TNPO3: variants seen among roughly 807,000 people sequenced by gnomAD.
The protein encoded by TNPO3 is transportin 3.
In TNPO3, 65 loss-of-function variants were observed where a neutral mutation model predicts 122.8. The observed-to-expected ratio is 0.53, with a 90% CI of 0.43 to 0.65. The LOEUF is 0.65. TNPO3 is among the 30% of genes least tolerant of loss of function. The probability of loss-of-function intolerance (pLI) is 0.00; values close to 1 mark genes in which losing one functional copy is unlikely to be tolerated. For synonymous variants in TNPO3, 372 were observed against 411.2 expected, an observed-to-expected ratio of 0.90 and a Z score of 1.15; for missense variants, 850 against 1,136.7, an observed-to-expected ratio of 0.75 and a Z score of 3.63.
intron 21 of TNPO3, among the ~76,000 whole-genome samples, chr7:128,963,630 T>C (rs1797670787): frequency 6.6e-6 from 1 of 152,260 alleles, no homozygotes; most frequent in Admixed American, 6.5e-5. Context: ...GAGTTATTTC[T>C]GGGGCATACT....
At chr7:129,038,044 A>G (rs2150524861) in intron 1 of TNPO3, among the ~76,000 whole-genome samples, 1 of 152,302 alleles carries the variant, frequency 6.6e-6, no homozygotes, top group Admixed American at 6.5e-5. Context: ...CCCCCAAATA[A>G]GCAAACAAAT....
intron 20 of TNPO3, among the ~76,000 whole-genome samples, chr7:128,968,896 T>A (rs1798181965): frequency 6.6e-6 from 1 of 151,808 alleles, no homozygotes; most frequent in South Asian, 2.1e-4. Context: ...AAAAAAAATT[T>A]TTTTTTTTTT....
intron 4 of TNPO3, among the ~76,000 whole-genome samples, chr7:129,010,120 G>A (rs1335470483): frequency 6.6e-6 from 1 of 152,096 alleles, no homozygotes; most frequent in Non-Finnish European, 1.5e-5. Context: ...CAACTTATAT[G>A]TACAAGAAAT....
chr7:129,033,632 A>T (rs564213946), intron 1 of TNPO3, among the ~76,000 whole-genome samples: 9 of 152,268 alleles, frequency 5.9e-5, no homozygotes, highest in African/African-American at 2.2e-4. Flanking sequence ...ATAAAATCTC[A>T]AACAGGGCCG....
intron 1 of TNPO3, among the ~76,000 whole-genome samples, chr7:129,021,930 T>C (rs904935205): frequency 3.3e-5 from 5 of 151,724 alleles, no homozygotes; most frequent in Non-Finnish European, 7.4e-5. Flanking sequence ...GAGAAACACA[T>C]GAAAAGGAGT....
In TNPO3 at chr7:129,027,583, AAAAAAAAAC is replaced by A. The variant is rs1584582250; in HGVS notation, c.121-9435_121-9427del. 4.3e-5 allele frequency among the ~76,000 whole-genome samples: 6 copies of A among 138,684 alleles called. No individual in the cohort carries two copies. In the East Asian group the frequency reaches 6.1e-4, roughly 14 times the overall value. 91.0% of individuals were successfully genotyped at this position (138,684 alleles called of 152,430 possible). A position where few individuals can be genotyped will look rare whatever the true frequency, so the allele number is the denominator to read the frequency against. On this transcript the variant is annotated intron_variant, in intron 1 of 22. Transcript: ENST00000265388. ...CAAAAAAAAAAAAAAAAAAAAAAAA[AAAAAAAAAC>A]AACACAAAAAATTCACTAAATACTC...
At chr7:128,996,250 G>A (rs1191505532) in intron 8 of TNPO3, among the ~76,000 whole-genome samples, 2 of 152,146 alleles carry the variant, frequency 1.3e-5, no homozygotes, top group Admixed American at 1.3e-4. Flanking sequence ...TAAGCATGAT[G>A]TTTGAAGAGT....
intron 2 of TNPO3, among the ~76,000 whole-genome samples, chr7:129,017,614 C>T (rs1803992192): frequency 6.6e-6 from 1 of 152,212 alleles, no homozygotes; most frequent in Non-Finnish European, 1.5e-5. Context: ...GGGGAAAGGA[C>T]AGATGCTCTA....
intron 5 of TNPO3, 121 bp downstream of exon 5, chr7:129,004,895 G>T: frequency 1.1e-6 from 1 of 871,620 alleles, no homozygotes; most frequent in Non-Finnish European, 1.7e-6. Flanking sequence ...GAACATTGCT[G>T]CATTCTTAAT....
chr7:128,970,520 TGAA>T (rs911207846), intron 19 of TNPO3, among the ~76,000 whole-genome samples: 1 of 151,904 alleles, frequency 6.6e-6, no homozygotes, highest in African/African-American at 2.4e-5. Context: ...AGAAAGAAAA[TGAA>T]GGAGTTTATT....
intron 18 of TNPO3, among the ~76,000 whole-genome samples, chr7:128,973,777 A>C (rs1433235011): frequency 1.5e-5 from 2 of 136,528 alleles, no homozygotes; most frequent in Admixed American, 7.7e-5. Context: ...ACAGAGGGTG[A>C]CAGCCCATCC....
intron 21 of TNPO3, among the ~76,000 whole-genome samples, chr7:128,964,570 C>T (rs576224130): frequency 2.1e-4 from 32 of 152,132 alleles, no homozygotes; most frequent in Admixed American, 5.9e-4. Flanking sequence ...CTCCTGACCT[C>T]GTGATCTGCC....
chr7:128,989,967 AC>A lies in TNPO3; in HGVS notation c.1491del (p.Gln497HisfsTer10). 1 of 1,614,062 alleles carries A rather than the reference AC, an allele frequency of 6.2e-7. No individual in the cohort carries two copies. Among genetic ancestry groups the A allele is most frequent in the East Asian group, 2.2e-5 (1 of 44,884 alleles). ...EMSEVVDRNPQFLDPVLGYLM... is the reference protein window; with the variant it reads ...EMSEVVDRNPXFLDPVLGYLM... ...GGAGAGAGATTACACATACCAAGGA[AC>A]TGAGGATTTCGATCAACGACTTCAC... is the stretch of plus-strand genomic sequence containing the variant. On this transcript the variant is annotated frameshift_variant, in exon 11 of 23. Transcript: ENST00000265388. LOFTEE classifies it high-confidence loss of function.
chr7:128,957,553 C>A lies in TNPO3; in HGVS notation c.2712-238G>T, dbSNP rs950210280. 2.0e-5 allele frequency among the ~76,000 whole-genome samples: 3 copies of A among 152,130 alleles called. No individual in the cohort carries two copies. The East Asian group carries it at 5.8e-4, about 29-fold the overall frequency. ...GGGTGTACTCTGGACACAAACTGCC[C>A]GAGTTTGAATCTTGGCTCCACTGTG... On this transcript the variant is annotated intron_variant, in intron 21 of 22. Coordinates refer to ENST00000265388, the MANE Select transcript of TNPO3 (RefSeq NM_012470.4).
chr7:128,993,356 CACCTCTGGGACG>C (rs1381501503), intron 9 of TNPO3, among the ~76,000 whole-genome samples: 3 of 152,178 alleles, frequency 2.0e-5, no homozygotes, highest in Non-Finnish European at 2.9e-5. Context: ...CTAGCATAGT[CACCTCTGGGACG>C]AAACTGCACA....
intron 7 of TNPO3, among the ~76,000 whole-genome samples, chr7:128,999,032 T>C (rs919541072): frequency 6.6e-6 from 1 of 152,058 alleles, no homozygotes; most frequent in African/African-American, 2.4e-5. Context: ...TTTGTATTTT[T>C]AGTAAAGATG....
intron 1 of TNPO3, among the ~76,000 whole-genome samples, chr7:129,027,579 A>AAAC (rs1805369993): frequency 1.4e-5 from 2 of 138,202 alleles, no homozygotes; most frequent in South Asian, 2.5e-4. Context: ...AAAAAAAAAA[A>AAAC]AAAAAAAAAA....
chr7:129,006,875 T>A (rs1802635237), intron 4 of TNPO3, among the ~76,000 whole-genome samples: 1 of 152,156 alleles, frequency 6.6e-6, no homozygotes, highest in African/African-American at 2.4e-5. Flanking sequence ...AGAAGGCTAT[T>A]TAAGATATTC....
intron 1 of TNPO3, among the ~76,000 whole-genome samples, chr7:129,023,009 C>T (rs989732059): frequency 3.3e-5 from 5 of 152,074 alleles, no homozygotes; most frequent in Non-Finnish European, 7.4e-5. Context: ...TGTACAGATA[C>T]AGTGTGGAAG....
Sources: gnomAD v4.1 joint callset for allele counts (sites outside exome capture counted in the v4.1 genomes callset) on GRCh38, gnomAD v4.1.1 for gene constraint, MANE v1.5 for transcripts, NCBI Gene and HGNC (gene_info 2026-07-23, HGNC 2026-07-21) for gene names.